Variants in CNTNAP2 observed in about 807,000 individuals in gnomAD.
CNTNAP2 encodes contactin associated protein 2, also known as contactin-associated protein-like 2.
CNTNAP2 carries 98 observed loss-of-function variants against 155.2 expected under a neutral mutation model. That is an observed-to-expected ratio of 0.63 (90% CI 0.54 to 0.75). CNTNAP2 has a LOEUF of 0.75. Among genes scored for constraint, CNTNAP2 ranks in the 30% least tolerant of loss-of-function variants. The pLI, the probability that CNTNAP2 is intolerant of heterozygous loss-of-function variation, is 0.00. For missense variants in CNTNAP2, 1,727 were observed against 1,688.1 expected (o/e 1.02, Z -0.40); for synonymous variants, 651 against 631.2 (o/e 1.03, Z -0.47).
chr7:146,809,908 C>CA (rs898496416), intron 2 of CNTNAP2, among the ~76,000 whole-genome samples: 1 of 151,924 alleles, frequency 6.6e-6, no homozygotes, highest in African/African-American at 2.4e-5. Context: ...GTGTCTTATC[C>CA]AAAAAATCAT....
intron 1 of CNTNAP2, among the ~76,000 whole-genome samples, chr7:146,678,703 A>G (rs1232079800): frequency 1.3e-5 from 2 of 152,154 alleles, no homozygotes; most frequent in African/African-American, 2.4e-5. Context: ...GAAATCATCT[A>G]ATTAATTCAT....
chr7:147,186,770 G>C (rs60236735), intron 8 of CNTNAP2, among the ~76,000 whole-genome samples: 1 of 152,200 alleles, frequency 6.6e-6, no homozygotes, highest in Non-Finnish European at 1.5e-5. Flanking sequence ...TGTGAGCACA[G>C]TGGGCCTTCT....
chr7:147,900,225 T>C (rs1799845250), intron 13 of CNTNAP2, among the ~76,000 whole-genome samples: 1 of 152,176 alleles, frequency 6.6e-6, no homozygotes, highest in Non-Finnish European at 1.5e-5. Context: ...GGTTTGGCTG[T>C]GTCCCCACCC....
chr7:147,702,649 G>A (rs945329858), intron 13 of CNTNAP2, among the ~76,000 whole-genome samples: 2 of 151,782 alleles, frequency 1.3e-5, no homozygotes, highest in African/African-American at 2.4e-5. Flanking sequence ...AGAACTTCCG[G>A]AGGCTTGCAG....
At chr7:146,450,705 C>A (rs1433339199) in intron 1 of CNTNAP2, among the ~76,000 whole-genome samples, 1 of 152,040 alleles carries the variant, frequency 6.6e-6, no homozygotes, top group African/African-American at 2.4e-5. Context: ...AAAGGAAAGA[C>A]CCAATTTTAT....
chr7:146,764,023 T>G (rs10279030), intron 1 of CNTNAP2, among the ~76,000 whole-genome samples: 41,732 of 152,156 alleles, frequency 0.27, 9,997 homozygotes, highest in African/African-American at 0.65. Flanking sequence ...AGACTTGGTT[T>G]TCAGTAAGTA....
chr7:146,839,775 T>C lies in CNTNAP2; in HGVS notation c.273T>C (p.Asn91=), dbSNP rs773595457. ...AATGGCTTCAGGTTGACTTTGGCAATCGGAAGCAGATCAGTGCCATTGCAA... is the reference window on the plus strand; with the variant it reads ...AATGGCTTCAGGTTGACTTTGGCAACCGGAAGCAGATCAGTGCCATTGCAA... The part of the protein sequence containing the change: ...HYQWLQVDFG[N]RKQISAIATQ... Residue 91 remains asparagine (N), a synonymous_variant, in exon 3 of 24, where the codon AAT becomes AAC. Coordinates refer to ENST00000361727, the MANE Select transcript of CNTNAP2 (RefSeq NM_014141.6). The C allele has an allele frequency of 6.2e-6, 10 of 1,614,010 alleles. No individual in the cohort carries two copies. In the Admixed American group the frequency reaches 1.5e-4, roughly 24 times the overall value.
intron 22 of CNTNAP2, among the ~76,000 whole-genome samples, chr7:148,403,565 C>G (rs1004014560): frequency 7.2e-5 from 11 of 152,160 alleles, no homozygotes; most frequent in African/African-American, 2.4e-4. Flanking sequence ...TACTCCAACA[C>G]CACTAAAATT....
intron 12 of CNTNAP2, among the ~76,000 whole-genome samples, chr7:147,623,078 A>G (rs1794896373): frequency 6.6e-6 from 1 of 152,066 alleles, no homozygotes; most frequent in Non-Finnish European, 1.5e-5. Flanking sequence ...GAAATCCAAA[A>G]CCTGAAGATA....
Position 147,320,958 on chromosome 7 carries a change from T to C in CNTNAP2, c.1498+20668T>C, listed in dbSNP as rs1795341271. ...CACAAAACTTTGCAGGCCATGCTTATGGTTTCCTTGGCAATGTAAGTTTCT... is the reference window on the plus strand; with the variant it reads ...CACAAAACTTTGCAGGCCATGCTTACGGTTTCCTTGGCAATGTAAGTTTCT... On this transcript the variant is annotated intron_variant, in intron 9 of 23. Coordinates refer to ENST00000361727, the MANE Select transcript of CNTNAP2 (RefSeq NM_014141.6). 2.6e-5 allele frequency among the ~76,000 whole-genome samples: 4 copies of C among 152,226 alleles called. No homozygotes were observed. The South Asian group carries it at 8.3e-4, about 32-fold the overall frequency.
intron 21 of CNTNAP2, among the ~76,000 whole-genome samples, chr7:148,374,634 G>C (rs1798950138): frequency 6.6e-6 from 1 of 152,154 alleles, no homozygotes; most frequent in Non-Finnish European, 1.5e-5. Flanking sequence ...AGCACACACA[G>C]AGATAAATTA....
At chr7:146,458,245 T>G (rs187780336) in intron 1 of CNTNAP2, among the ~76,000 whole-genome samples, 22 of 152,254 alleles carry the variant, frequency 1.4e-4, no homozygotes, top group Non-Finnish European at 2.5e-4. Context: ...CCATCTCACA[T>G]GTTTACTTCT....
chr7:146,567,543 T>A (rs1798376254), intron 1 of CNTNAP2, among the ~76,000 whole-genome samples: 3 of 152,166 alleles, frequency 2.0e-5, no homozygotes, highest in Admixed American at 6.5e-5. Context: ...TATAATTTAG[T>A]TTTACTTAAA....
intron 1 of CNTNAP2, among the ~76,000 whole-genome samples, chr7:146,424,822 T>C (rs112924149): frequency 3.3e-5 from 5 of 152,128 alleles, no homozygotes; most frequent in African/African-American, 1.2e-4. Context: ...TCAGAGAGAG[T>C]AGAGCCAACA....
intron 1 of CNTNAP2, among the ~76,000 whole-genome samples, chr7:146,468,959 G>C (rs1465633893): frequency 1.3e-5 from 2 of 152,130 alleles, no homozygotes; most frequent in African/African-American, 4.8e-5. Flanking sequence ...AGAAAAAGAG[G>C]CACAGGATAC....
intron 1 of CNTNAP2, among the ~76,000 whole-genome samples, chr7:146,249,193 A>G (rs1422831322): frequency 6.6e-6 from 1 of 152,198 alleles, no homozygotes. Flanking sequence ...CACAGGGGAT[A>G]TGATGGCTTA....
intron 1 of CNTNAP2, among the ~76,000 whole-genome samples, chr7:146,560,314 GTTT>G (rs1210732061): frequency 6.6e-6 from 1 of 151,520 alleles, no homozygotes; most frequent in African/African-American, 2.4e-5. Context: ...ATCATTAGAG[GTTT>G]AAAAAAGCCA....
chr7:147,290,336 T>C (rs1247518818), intron 8 of CNTNAP2, among the ~76,000 whole-genome samples: 2 of 152,174 alleles, frequency 1.3e-5, no homozygotes, highest in East Asian at 1.9e-4. Flanking sequence ...TTCAGTACTA[T>C]GTCAGGGGAC....
At chr7:147,445,613 T>C (rs777549020) in intron 10 of CNTNAP2, among the ~76,000 whole-genome samples, 21 of 152,322 alleles carry the variant, frequency 1.4e-4, no homozygotes, top group Middle Eastern at 6.8e-3. Flanking sequence ...ATTCTTAGTT[T>C]TATTAACATT....
Sources: allele counts gnomAD v4.1 joint callset (sites outside exome capture counted in the v4.1 genomes callset), GRCh38; gene constraint gnomAD v4.1.1; transcripts MANE v1.5; gene names NCBI Gene and HGNC (gene_info 2026-07-23, HGNC 2026-07-21).